Variants in LONP1 observed in about 807,000 individuals in gnomAD.
LONP1 encodes the protein lon peptidase 1, mitochondrial.
LONP1 carries 31 observed loss-of-function variants against 98.5 expected under a neutral mutation model. The ratio of observed to expected loss-of-function variants is 0.31; its 90% confidence interval spans 0.24 to 0.42. The LOEUF is 0.42. Ranked by LOEUF, LONP1 falls within the 20% of genes least tolerant of loss-of-function variation. The pLI, the probability that LONP1 is intolerant of heterozygous loss-of-function variation, is 1.00. For missense variants in LONP1, 1,336 were observed against 1,350.6 expected, an observed-to-expected ratio of 0.99 and a Z score of 0.17; for synonymous variants, 781 against 594.7, an observed-to-expected ratio of 1.31 and a Z score of -4.56.
intron 13 of LONP1, among the ~76,000 whole-genome samples, chr19:5,695,777 T>C (rs2054914761): frequency 6.6e-6 from 1 of 152,132 alleles, no homozygotes; most frequent in Non-Finnish European, 1.5e-5. Context: ...GGCCCCACCA[T>C]GGGGCAGCCT....
In LONP1 at chr19:5,694,484, G is replaced by A. The variant is rs759316923; in HGVS notation, c.2223C>T (p.Asn741=). ...EAESVEVTPE[N]LQDFVGKPVF... ...CGGGCTTCCCCACGAAGTCCTGCAG[G>A]TTCTCGGGCGTCACCTCCACGGACT... The change falls in exon 15 of 18, where the codon AAC becomes AAT. Residue 741 remains asparagine, a synonymous_variant. Coordinates refer to ENST00000360614, the MANE Select transcript of LONP1 (RefSeq NM_004793.4). The A allele has an allele frequency of 8.1e-6, 13 of 1,613,342 alleles. No homozygotes were observed. The highest frequency in any genetic ancestry group is 1.1e-5 in the Non-Finnish European group (13 of 1,180,012).
At chr19:5,701,625 A>G (rs2055045387) in intron 8 of LONP1, among the ~76,000 whole-genome samples, 1 of 152,008 alleles carries the variant, frequency 6.6e-6, no homozygotes, top group South Asian at 2.1e-4. Context: ...AGTCTCGTTC[A>G]CTCAGTGCTC....
chr19:5,701,408 C>T (rs2055040720), intron 8 of LONP1, among the ~76,000 whole-genome samples: 1 of 152,200 alleles, frequency 6.6e-6, no homozygotes, highest in Admixed American at 6.5e-5. Context: ...GTGCTGCCAT[C>T]TTGGCTCACT....
rs200636537 is a variant in LONP1, at chr19:5,711,896, C to G, written c.745G>C (p.Glu249Gln). The G allele has an allele frequency of 2.9e-5, 46 of 1,613,190 alleles. No homozygotes were observed. In the East Asian group the frequency reaches 8.3e-4, roughly 29 times the overall value. Residue 249 changes from glutamate to glutamine, a missense_variant, in exon 4 of 18, where the codon GAG (glutamate) becomes CAG (glutamine). Physicochemically the swap from Glu to Gln is conservative, Grantham distance 29 (BLOSUM62 2). Around this residue, in one of 5 missense-constraint regions of LONP1, gnomAD observed 457 missense variants for 403.1 expected, o/e 1.13. Coordinates refer to ENST00000360614, the MANE Select transcript of LONP1 (RefSeq NM_004793.4). ...TCCGCCGGGTGCCTGGCGCTCAGCTCGTCCTCCGCCTCCTTCTTGCCCCGC... is the reference window on the plus strand; with the variant it reads ...TCCGCCGGGTGCCTGGCGCTCAGCTGGTCCTCCGCCTCCTTCTTGCCCCGC... ...SKRGKKEAED[E>Q]LSARHPAELA...
At chr19:5,698,057 C>T (rs1191498153) in intron 10 of LONP1, among the ~76,000 whole-genome samples, 1 of 150,180 alleles carries the variant, frequency 6.7e-6, no homozygotes, top group Non-Finnish European at 1.5e-5. Flanking sequence ...AACAGGTCCC[C>T]TGTCCTCCCC....
At chr19:5,704,267 G>A (rs929180423) in intron 8 of LONP1, among the ~76,000 whole-genome samples, 8 of 152,212 alleles carry the variant, frequency 5.3e-5, no homozygotes, top group African/African-American at 1.7e-4. Flanking sequence ...TGGGAGGGAC[G>A]GGCCCGGCCC....
At position 5,711,934 on chromosome 19, in the gene LONP1, C is replaced by T. The variant is rs200781774; in HGVS notation, c.707G>A (p.Arg236His). Residue 236 changes from arginine (R) to histidine (H), a missense_variant, in exon 4 of 18, where the codon CGC (arginine) becomes CAC (histidine). Physicochemically the swap from Arg to His is conservative, Grantham distance 29. Coordinates refer to ENST00000360614, the MANE Select transcript of LONP1 (RefSeq NM_004793.4). ...CTTCTTGCCCCGCTTTGACTTCCTG[C>T]GGGGCTTGTGCTTGTTCTCCGCCTC... is the stretch of plus-strand genomic sequence containing the variant. ...EPEAENKHKP[R>H]RKSKRGKKEA... is the part of the protein sequence containing the mutation. The T allele has an allele frequency of 4.0e-5, 65 of 1,613,122 alleles. No individual in the cohort carries two copies. The highest frequency in any genetic ancestry group is 4.7e-5 in the Non-Finnish European group (55 of 1,179,790).
At chr19:5,695,437 CCAGTCCTGTCCCCAGGAACTA>C (rs1426312889) in intron 13 of LONP1, among the ~76,000 whole-genome samples, 1 of 152,114 alleles carries the variant, frequency 6.6e-6, no homozygotes, top group Admixed American at 6.5e-5. Flanking sequence ...CCCATGCCCC[CCAGTCCTGTCCCCAGGAACTA>C]CAGGCCCGTC....
intron 8 of LONP1, among the ~76,000 whole-genome samples, chr19:5,705,420 T>A (rs997579360): frequency 2.1e-5 from 3 of 143,240 alleles, no homozygotes; most frequent in African/African-American, 8.0e-5. Flanking sequence ...ATTGTGCCAC[T>A]GCACTCCAGT....
chr19:5,695,155 C>G (rs2054903613), intron 13 of LONP1, among the ~76,000 whole-genome samples: 1 of 152,030 alleles, frequency 6.6e-6, no homozygotes, highest in Admixed American at 6.5e-5. Context: ...CCGCTTCCTC[C>G]AGGAAGGCCT....
rs764886089 is a variant in LONP1, at chr19:5,707,694, C to T, written c.1062+3G>A. 6 of 1,607,508 alleles carry T rather than the reference C, an allele frequency of 3.7e-6. No individual in the cohort carries two copies. In the South Asian group the frequency reaches 5.5e-5, roughly 15 times the overall value. On this transcript the variant is annotated splice_donor_region_variant and intron_variant, in intron 6 of 17. Coordinates refer to ENST00000360614, the MANE Select transcript of LONP1 (RefSeq NM_004793.4). ...GGGGGCTGTGGAGGTGACGAGCACT[C>T]ACATTGGTCTCTTCCAGGACGTCCT...
intron 8 of LONP1, among the ~76,000 whole-genome samples, chr19:5,703,527 G>A (rs1322808200): frequency 2.0e-5 from 3 of 152,190 alleles, no homozygotes; most frequent in East Asian, 1.9e-4. Flanking sequence ...AAGAGCACAC[G>A]GCAGGATTGG....
chr19:5,707,441 C>T (rs555041618), intron 6 of LONP1, among the ~76,000 whole-genome samples: 1 of 152,304 alleles, frequency 6.6e-6, no homozygotes, highest in South Asian at 2.1e-4. Flanking sequence ...CCACTGAACC[C>T]GCAACGGTGA....
intron 17 of LONP1, among the ~76,000 whole-genome samples, chr19:5,692,998 G>A (rs1382338605): frequency 1.3e-5 from 2 of 152,180 alleles, no homozygotes; most frequent in African/African-American, 2.4e-5. Flanking sequence ...AATCCTAAAC[G>A]TCGTCCCCAT....
chr19:5,704,799 C>T (rs887348438), intron 8 of LONP1, among the ~76,000 whole-genome samples: 4 of 152,176 alleles, frequency 2.6e-5, no homozygotes, highest in Admixed American at 6.5e-5. Flanking sequence ...GGCTGACTCT[C>T]GAAGGGGCAA....
At position 5,691,870 on chromosome 19, in the gene LONP1, G is replaced by A. The variant is rs553070502; in HGVS notation, c.*162C>T. 189 of 828,034 alleles carry A rather than the reference G, an allele frequency of 2.3e-4. 1 individual carries two copies. The African/African-American group carries it at 3.0e-3, about 13-fold the overall frequency. 51.3% of individuals were successfully genotyped at this position (828,034 alleles called of 1,614,324 possible). A position where few individuals can be genotyped will look rare whatever the true frequency, so the allele number is the denominator to read the frequency against. On this transcript the variant is annotated 3_prime_UTR_variant, in exon 18 of 18. Transcript: ENST00000360614. ...ACTTTAATCATTAAATAGCTTCTATGCCACACTCTGATTAAGCCGACTGAG... is the reference window on the plus strand; with the variant it reads ...ACTTTAATCATTAAATAGCTTCTATACCACACTCTGATTAAGCCGACTGAG...
chr19:5,706,838 T>C (rs890208475), intron 7 of LONP1, among the ~76,000 whole-genome samples: 2 of 152,220 alleles, frequency 1.3e-5, no homozygotes, highest in African/African-American at 4.8e-5. Context: ...CTGGGCTCAT[T>C]ACACTGGGAC....
chr19:5,709,359 G>A (rs1319804021), intron 4 of LONP1, among the ~76,000 whole-genome samples: 2 of 151,744 alleles, frequency 1.3e-5, no homozygotes, highest in Admixed American at 1.3e-4. Context: ...AAATTAGCCA[G>A]GTACTTTGGT....
intron 4 of LONP1, 36 bp from the exon 5 acceptor site, chr19:5,708,439 A>G (rs891933804): frequency 4.0e-5 from 30 of 747,834 alleles, no homozygotes; most frequent in Non-Finnish European, 6.2e-5. Context: ...GGGGCCCAGC[A>G]GTGCTCCAGC....
Sources: gnomAD v4.1 joint callset for allele counts (sites outside exome capture counted in the v4.1 genomes callset) on GRCh38, gnomAD v4.1.1 for gene constraint, gnomAD v4.1.1 regional missense constraint, MANE v1.5 for transcripts, NCBI Gene and HGNC (gene_info 2026-07-23, HGNC 2026-07-21) for gene names.